Variants in TASP1 observed in about 807,000 individuals in gnomAD.
TASP1 encodes taspase 1, also known as threonine aspartase 1.
A neutral mutation model predicts 56.6 loss-of-function variants in TASP1; 16 were observed. That is an observed-to-expected ratio of 0.28 (90% CI 0.19 to 0.43). TASP1 has a LOEUF of 0.43. TASP1 is among the 20% of genes least tolerant of loss of function. TASP1 has a pLI of 1.00. For missense variants in TASP1, 393 were observed against 511.6 expected (o/e 0.77, Z 2.24); for synonymous variants, 179 against 184.2 (o/e 0.97, Z 0.23).
the TASP1 span, among the ~76,000 whole-genome samples, chr20:13,174,173 C>T: frequency 8.5e-5 from 13 of 152,150 alleles, no homozygotes; most frequent in Admixed American, 3.9e-4. Context: ...TGTAGAAGTA[C>T]GAATTTACAG....
chr20:13,629,680 C>A (rs1487630499), intron 2 of TASP1, among the ~76,000 whole-genome samples: 1 of 152,016 alleles, frequency 6.6e-6, no homozygotes, highest in Non-Finnish European at 1.5e-5. Context: ...CTAAATACAT[C>A]TATTACATAG....
intron 7 of TASP1, among the ~76,000 whole-genome samples, chr20:13,561,550 A>T (rs1183059621): frequency 6.6e-6 from 1 of 152,034 alleles, no homozygotes; most frequent in Non-Finnish European, 1.5e-5. Context: ...TATTTTTAGT[A>T]AAGACAGGGT....
chr20:13,590,927 T>G (rs1483108779), intron 4 of TASP1, among the ~76,000 whole-genome samples: 1 of 149,018 alleles, frequency 6.7e-6, no homozygotes, highest in Non-Finnish European at 1.5e-5. Context: ...TAATTTAAGG[T>G]AAAGGCACTT....
chr20:13,408,058 T>A (rs920635514), intron 13 of TASP1, among the ~76,000 whole-genome samples: 9 of 152,178 alleles, frequency 5.9e-5, no homozygotes, highest in African/African-American at 1.9e-4. Context: ...ATAAAAGTTT[T>A]AAATTTTTAT....
At chr20:13,569,135 C>G (rs1373652382) in intron 7 of TASP1, among the ~76,000 whole-genome samples, 1 of 151,966 alleles carries the variant, frequency 6.6e-6, no homozygotes, top group African/African-American at 2.4e-5. Flanking sequence ...GCATTTGTAT[C>G]TAAAAAGTCC....
chr20:13,211,462 A>C, the TASP1 span, among the ~76,000 whole-genome samples: 1 of 152,154 alleles, frequency 6.6e-6, no homozygotes, highest in African/African-American at 2.4e-5. Context: ...CTGCAGCACT[A>C]AACATTTCCT....
the TASP1 span, chr20:13,154,134 G>T: frequency 1.2e-6 from 2 of 1,614,078 alleles, no homozygotes; most frequent in Non-Finnish European, 8.5e-7. Flanking sequence ...GCCTGGTAAA[G>T]TAGCGTAAGT....
chr20:13,110,194 C>A, the TASP1 span: 11 of 1,613,518 alleles, frequency 6.8e-6, no homozygotes, highest in Non-Finnish European at 9.3e-6. Flanking sequence ...AAAAGATTCT[C>A]ATCCTGGTGG....
At chr20:13,475,271 T>C (rs531970188) in intron 11 of TASP1, among the ~76,000 whole-genome samples, 4 of 152,334 alleles carry the variant, frequency 2.6e-5, no homozygotes, top group Non-Finnish European at 5.9e-5. Context: ...AACTGCATTT[T>C]CTAACTTAAG....
rs1250436884 is a variant in TASP1 at position 13,496,147 on chromosome 20, G to A, written c.875-12810C>T. Among the ~76,000 whole-genome samples the A allele has an allele frequency of 3.6e-4, 54 of 152,008 alleles. 1 individual carries two copies. The highest frequency in any genetic ancestry group is 6.6e-5 in the Admixed American group (1 of 15,252). On this transcript the variant is annotated intron_variant, in intron 10 of 13. Transcript: ENST00000337743. ...CAGCTCACTGCAACCTCTGCTTCCC[G>A]GGTTCAAGCCATTCTCCTGCCTCAG...
the TASP1 span, among the ~76,000 whole-genome samples, chr20:13,174,411 T>A: frequency 6.6e-6 from 1 of 152,164 alleles, no homozygotes; most frequent in African/African-American, 2.4e-5. Flanking sequence ...TCTTAAGATA[T>A]TCCAGGCAGG....
chr20:13,305,675 C>T, the TASP1 span, among the ~76,000 whole-genome samples: 3 of 152,082 alleles, frequency 2.0e-5, no homozygotes, highest in Non-Finnish European at 4.4e-5. Flanking sequence ...AAGTTTACAG[C>T]CAGTTGTTTT....
chr20:13,350,998 T>C, the TASP1 span, among the ~76,000 whole-genome samples: 14 of 151,522 alleles, frequency 9.2e-5, no homozygotes, highest in Non-Finnish European at 1.6e-4. Flanking sequence ...AATTTTTAAA[T>C]TTTTAAAACC....
the TASP1 span, among the ~76,000 whole-genome samples, chr20:13,373,979 A>G: frequency 6.6e-6 from 1 of 152,180 alleles, no homozygotes. Context: ...CTATCAGTCT[A>G]TCAAATTTGC....
At chr20:13,191,351 A>G in the TASP1 span, among the ~76,000 whole-genome samples, 1 of 152,336 alleles carries the variant, frequency 6.6e-6, no homozygotes, top group African/African-American at 2.4e-5. Context: ...GTGTCCATTA[A>G]CACATGAATG....
chr20:13,559,590 A>G (rs1026673599), intron 7 of TASP1, among the ~76,000 whole-genome samples: 2 of 152,218 alleles, frequency 1.3e-5, no homozygotes, highest in African/African-American at 4.8e-5. Context: ...TTTTTAAACC[A>G]GAAAACTTGC....
the TASP1 span, among the ~76,000 whole-genome samples, chr20:13,130,639 G>A: frequency 6.6e-6 from 1 of 152,214 alleles, no homozygotes; most frequent in African/African-American, 2.4e-5. Context: ...CAGGCTGAGG[G>A]GCTGCAGGCC....
chr20:13,390,177 C>A lies in TASP1; in HGVS notation c.*183G>T, dbSNP rs2123552343. ...GCACACACTCACACACAGTCCCGCT[C>A]ACCCACCAAAGGCCCGCGTGTCACT... On this transcript the variant is annotated 3_prime_UTR_variant, in exon 14 of 14. Coordinates refer to ENST00000337743, the MANE Select transcript of TASP1 (RefSeq NM_017714.3). 3.5e-6 allele frequency: 2 copies of A among 571,998 alleles called. No homozygotes were observed. Among genetic ancestry groups the A allele is most frequent in the Middle Eastern group, 2.9e-4 (1 of 3,428 alleles). 35.4% of individuals were successfully genotyped at this position (571,998 alleles called of 1,614,324 possible).
intron 7 of TASP1, among the ~76,000 whole-genome samples, chr20:13,562,017 TTCCAAAATG>T (rs1267245656): frequency 6.6e-6 from 1 of 152,236 alleles, no homozygotes; most frequent in Non-Finnish European, 1.5e-5. Context: ...TGGGACATTT[TTCCAAAATG>T]TCCCATTTGT....
Sources: gnomAD v4.1 joint callset for allele counts (sites outside exome capture counted in the v4.1 genomes callset) on GRCh38, gnomAD v4.1.1 for gene constraint, MANE v1.5 for transcripts, NCBI Gene and HGNC (gene_info 2026-07-23, HGNC 2026-07-21) for gene names.